CDC5L: variants seen among roughly 807,000 people sequenced by gnomAD.
The protein encoded by CDC5L is cell division cycle 5-like protein.
A neutral mutation model predicts 104.1 loss-of-function variants in CDC5L; 18 were observed. The observed-to-expected ratio is 0.17, with a 90% CI of 0.12 to 0.26. The LOEUF is 0.26. CDC5L is among the 10% of genes least tolerant of loss of function. CDC5L has a pLI of 1.00. For missense variants in CDC5L, 673 were observed against 956.9 expected (o/e 0.70, Z 3.91); for synonymous variants, 331 against 322.7 (o/e 1.03, Z -0.28).
intron 5 of CDC5L, among the ~76,000 whole-genome samples, chr6:44,400,251 A>T (rs1310584774): frequency 6.6e-6 from 1 of 152,160 alleles, no homozygotes; most frequent in African/African-American, 2.4e-5. Context: ...CATATGGGTC[A>T]TTCTTTCCTG....
chr6:44,403,736 T>A, intron 5 of CDC5L, 73 bp from the exon 6 acceptor site: 1 of 1,028,180 alleles, frequency 9.7e-7, no homozygotes, highest in Non-Finnish European at 1.4e-6. Context: ...GATACTTTTT[T>A]TTTAACTGTA....
chr6:44,401,320 C>T (rs1156826027), intron 5 of CDC5L, among the ~76,000 whole-genome samples: 3 of 114 alleles, frequency 0.026, no homozygotes, highest in Non-Finnish European at 0.062. Context: ...GTCCGTCCGC[C>T]CGCAGCGTGG....
intron 8 of CDC5L, among the ~76,000 whole-genome samples, chr6:44,417,300 A>G (rs1051862731): frequency 2.6e-5 from 4 of 152,160 alleles, no homozygotes; most frequent in African/African-American, 9.7e-5. Flanking sequence ...TGGTCTTTCC[A>G]TGAGGCTTGG....
chr6:44,394,499 C>T (rs1176878806), intron 4 of CDC5L, among the ~76,000 whole-genome samples: 2 of 152,116 alleles, frequency 1.3e-5, no homozygotes, highest in African/African-American at 2.4e-5. Flanking sequence ...GGCATTGAAT[C>T]AGGAATTCCA....
intron 5 of CDC5L, among the ~76,000 whole-genome samples, chr6:44,398,983 T>A (rs1295242241): frequency 1.3e-5 from 2 of 152,240 alleles, no homozygotes; most frequent in Admixed American, 1.3e-4. Context: ...TAATTTTTTT[T>A]AAGAGAGGGT....
At chr6:44,435,059 T>C (rs1466317594) in intron 14 of CDC5L, among the ~76,000 whole-genome samples, 2 of 151,158 alleles carry the variant, frequency 1.3e-5, no homozygotes, top group Non-Finnish European at 2.9e-5. Context: ...CCTTAAACAT[T>C]GTGGTGTATA....
chr6:44,403,664 A>T (rs552391651), intron 5 of CDC5L, 145 bp from the exon 6 acceptor site: 2 of 615,662 alleles, frequency 3.2e-6, no homozygotes, highest in East Asian at 2.9e-5. Flanking sequence ...TAAAACTAGG[A>T]TTTGTTTTGG....
At chr6:44,392,137 A>T (rs11571915) in intron 2 of CDC5L, among the ~76,000 whole-genome samples, 2,145 of 152,298 alleles carry the variant, frequency 0.014, 22 homozygotes, top group Middle Eastern at 0.034. Flanking sequence ...AGTAGACTGG[A>T]TGGAAAAGGT....
Position 44,392,883 on chromosome 6 carries a change from T to C in CDC5L, c.311+55T>C, listed in dbSNP as rs958029299. ...TATATGTATATGTTCTGAAAGAGGC[T>C]GAATAAACTTTGAGTATTTTCTGTC... is the stretch of plus-strand genomic sequence containing the variant. On this transcript the variant is annotated intron_variant, in intron 3 of 15. Transcript: ENST00000371477. The C allele has an allele frequency of 2.2e-5, 32 of 1,476,542 alleles. No individual in the cohort carries two copies. The African/African-American group carries it at 4.3e-4, about 20-fold the overall frequency. The allele number at this position is 1,476,542 out of a possible 1,614,324, so 91.5% of individuals were successfully genotyped here. A position where few individuals can be genotyped will look rare whatever the true frequency, so the allele number is the denominator to read the frequency against.
chr6:44,405,017 A>C (rs1331960487), intron 6 of CDC5L, among the ~76,000 whole-genome samples: 13 of 152,080 alleles, frequency 8.5e-5, no homozygotes, highest in Admixed American at 8.5e-4. Context: ...CTAGTGAAAA[A>C]TTTTACCTTG....
At chr6:44,416,266 G>A (rs2153379880) in intron 8 of CDC5L, among the ~76,000 whole-genome samples, 1 of 152,276 alleles carries the variant, frequency 6.6e-6, no homozygotes, top group African/African-American at 2.4e-5. Flanking sequence ...TTGGAGAAAG[G>A]TCACCAGCCC....
chr6:44,388,022 G>T (rs1424450477), intron 1 of CDC5L, among the ~76,000 whole-genome samples, 154 bp downstream of exon 1: 2 of 152,142 alleles, frequency 1.3e-5, no homozygotes, highest in African/African-American at 4.8e-5. Flanking sequence ...CCGTGTGTCT[G>T]GCCCCGTGTT....
At chr6:44,429,081 G>T (rs1044138947) in intron 13 of CDC5L, among the ~76,000 whole-genome samples, 1 of 148,794 alleles carries the variant, frequency 6.7e-6, no homozygotes, top group African/African-American at 2.5e-5. Flanking sequence ...GGGTGCAGTG[G>T]CACGATCCCA....
At position 44,406,326 on chromosome 6, in the gene CDC5L, A is replaced by G. The variant is rs1272391409; in HGVS notation, c.762A>G (p.Glu254=). ...TTTCTACTTTGATCCATGACAGTGA[A>G]AAAGAAGGAAGAGATAGAAAAAAAG... is the stretch of plus-strand genomic sequence containing the variant. ...QQDLDGELRS[E]KEGRDRKKDK... The change falls in exon 7 of 16, where the codon GAA becomes GAG. Residue 254 remains glutamate, a synonymous_variant. Coordinates refer to ENST00000371477, the MANE Select transcript of CDC5L (RefSeq NM_001253.4). The G allele has an allele frequency of 6.3e-7, 1 of 1,599,844 alleles. No individual in the cohort carries two copies.
chr6:44,419,405 T>A, intron 8 of CDC5L, 44 bp from the exon 9 acceptor site: 1 of 1,598,434 alleles, frequency 6.3e-7, no homozygotes, highest in African/African-American at 1.3e-5. Flanking sequence ...TCTGCAAGTC[T>A]GTCTAAACTT....
In CDC5L at chr6:44,419,614, C is replaced by T. The variant is rs764556952; in HGVS notation, c.1241+17C>T. The stretch of plus-strand genomic sequence containing the variant: ...TCCATTCAGGTATTGTAAATGAACA[C>T]GTTTTTATTTTAGAAAAACTTGAAT... On this transcript the variant is annotated intron_variant, in intron 9 of 15. Coordinates refer to ENST00000371477, the MANE Select transcript of CDC5L (RefSeq NM_001253.4). 1.1e-5 allele frequency: 18 copies of T among 1,599,816 alleles called. No homozygotes were observed. The highest frequency in any genetic ancestry group is 1.7e-4 in the Middle Eastern group (1 of 6,050).
At position 44,445,743 on chromosome 6, in the gene CDC5L, G is replaced by A. The variant is rs1296778518; in HGVS notation, c.2180G>A (p.Arg727His). ...MKILLGGYQS[R>H]AMGLMKQLND... ...ATTTTGCTTGGGGGTTACCAGTCTC[G>A]TGCTATGGGGCTCATGAAACAGTTG... Residue 727 changes from arginine to histidine, a missense_variant, in exon 15 of 16, where the codon CGT becomes CAT. Transcript: ENST00000371477. 5.0e-6 allele frequency: 8 copies of A among 1,613,972 alleles called. No homozygotes were observed. Among genetic ancestry groups the A allele is most frequent in the African/African-American group, 4.0e-5 (3 of 74,922 alleles).
At chr6:44,390,479 A>C in intron 2 of CDC5L, 108 bp downstream of exon 2, 1 of 740,792 alleles carries the variant, frequency 1.3e-6, no homozygotes, top group Admixed American at 2.7e-5. Context: ...GTAATATAAC[A>C]AGGCATGGAG....
chr6:44,421,642 CA>C (rs1449731353), intron 9 of CDC5L, among the ~76,000 whole-genome samples: 2 of 152,066 alleles, frequency 1.3e-5, no homozygotes, highest in Non-Finnish European at 2.9e-5. Context: ...AAAAATATTC[CA>C]AAAAACTCAA....
Sources: gnomAD v4.1 joint callset for allele counts (sites outside exome capture counted in the v4.1 genomes callset) on GRCh38, gnomAD v4.1.1 for gene constraint, MANE v1.5 for transcripts, NCBI Gene and HGNC (gene_info 2026-07-23, HGNC 2026-07-21) for gene names.